The following SNTG2 variants were observed in gnomAD, a reference collection of about 807,000 sequenced individuals.
The protein encoded by SNTG2 is gamma-2-syntrophin.
A neutral mutation model predicts 70.9 loss-of-function variants in SNTG2; 74 were observed. The ratio of observed to expected loss-of-function variants is 1.04; its 90% confidence interval spans 0.86 to 1.27. The LOEUF (loss-of-function observed/expected upper bound fraction) is 1.27, where lower values mean the gene tolerates loss of function less well. Among genes scored for constraint, SNTG2 ranks in the 50% most tolerant of loss-of-function variants. SNTG2 has a pLI of 0.00. For missense variants in SNTG2, 717 were observed against 690.7 expected (o/e 1.04, Z -0.43); for synonymous variants, 278 against 273.8 (o/e 1.02, Z -0.15).
chr2:1,120,286 G>T (rs1425574906), intron 4 of SNTG2, among the ~76,000 whole-genome samples: 1 of 151,962 alleles, frequency 6.6e-6, no homozygotes, highest in African/African-American at 2.4e-5. Flanking sequence ...TAATTACTTT[G>T]AATATTACAA....
chr2:1,098,961 G>T (rs888923461), intron 4 of SNTG2, among the ~76,000 whole-genome samples: 3 of 152,240 alleles, frequency 2.0e-5, no homozygotes, highest in Non-Finnish European at 4.4e-5. Flanking sequence ...GACATTCATA[G>T]GGAGAGATTA....
At chr2:1,333,944 G>T (rs1659665669) in intron 16 of SNTG2, among the ~76,000 whole-genome samples, 1 of 152,110 alleles carries the variant, frequency 6.6e-6, no homozygotes, top group Non-Finnish European at 1.5e-5. Context: ...AAATAGATGA[G>T]ACCTAATTAA....
At chr2:1,118,164 G>A (rs12328702) in intron 4 of SNTG2, among the ~76,000 whole-genome samples, 4,252 of 152,002 alleles carry the variant, frequency 0.028, 204 homozygotes, top group African/African-American at 0.098. Flanking sequence ...AGGGCTTCAC[G>A]TCACCCCAGG....
chr2:1,113,525 G>C (rs908104640), intron 4 of SNTG2, among the ~76,000 whole-genome samples: 2 of 150,664 alleles, frequency 1.3e-5, no homozygotes, highest in Admixed American at 1.3e-4. Context: ...CGAGGATTGT[G>C]TGTACTGAGG....
At chr2:1,226,588 C>T (rs911361419) in intron 9 of SNTG2, among the ~76,000 whole-genome samples, 6 of 148,530 alleles carry the variant, frequency 4.0e-5, no homozygotes, top group African/African-American at 1.5e-4. Context: ...CACCAAGGCT[C>T]ACACCGAGAG....
chr2:1,312,469 G>A (rs1681048574), intron 15 of SNTG2, among the ~76,000 whole-genome samples: 1 of 152,198 alleles, frequency 6.6e-6, no homozygotes, highest in Non-Finnish European at 1.5e-5. Flanking sequence ...GAGAAGGGGA[G>A]GCTGACCCTG....
In SNTG2 at chr2:1,365,087, G is replaced by GT. The variant is rs59283968; in HGVS notation, c.1489-2244dup. ...TGTGTTTCTTCTAGAAAGCTACTTG[G>GT]TTTTTTTTTTTTCCTCTAACAGGGA... On this transcript the variant is annotated intron_variant, in intron 16 of 16. Transcript: ENST00000308624. Among the ~76,000 whole-genome samples, 981 of 150,862 alleles carry GT rather than the reference G, an allele frequency of 6.5e-3. 7 individuals carry two copies. The highest frequency in any genetic ancestry group is 9.4e-3 in the Admixed American group (143 of 15,204).
chr2:1,286,200 G>A (rs1324325259), intron 14 of SNTG2, among the ~76,000 whole-genome samples: 1 of 152,092 alleles, frequency 6.6e-6, no homozygotes. Context: ...ACTGGAAACA[G>A]AAATTTTGCT....
Position 996,673 on chromosome 2 carries a change from G to GTTTTTTTTTTTTTTTTTTTTTTTTTTTT in SNTG2, c.72+45609_72+45636dup. ...ATATTGCTTGTATTTGAGTTACCCA[G>GTTTTTTTTTTTTTTTTTTTTTTTTTTTT]TTTTTTTTTTTTTTTTTTTTTTTTT... On this transcript the variant is annotated intron_variant, in intron 1 of 16. Coordinates refer to ENST00000308624, the MANE Select transcript of SNTG2 (RefSeq NM_018968.4). 9.7e-4 allele frequency among the ~76,000 whole-genome samples: 34 copies of GTTTTTTTTTTTTTTTTTTTTTTTTTTTT among 35,098 alleles called. 10 individuals are homozygous for GTTTTTTTTTTTTTTTTTTTTTTTTTTTT. Among genetic ancestry groups the GTTTTTTTTTTTTTTTTTTTTTTTTTTTT allele is most frequent in the East Asian group, 5.0e-3 (4 of 798 alleles). 23.0% of individuals were successfully genotyped at this position (35,098 alleles called of 152,430 possible).
At chr2:1,295,849 G>T (rs1028094024) in intron 14 of SNTG2, among the ~76,000 whole-genome samples, 12 of 151,734 alleles carry the variant, frequency 7.9e-5, no homozygotes, top group South Asian at 4.2e-4. Flanking sequence ...CCTATGTTGG[G>T]GTAGGAGGAG....
intron 16 of SNTG2, among the ~76,000 whole-genome samples, chr2:1,350,653 A>G (rs1296064879): frequency 5.3e-5 from 8 of 152,172 alleles, no homozygotes; most frequent in Non-Finnish European, 1.5e-5. Flanking sequence ...AACATGATGA[A>G]TGTTGACGAT....
In SNTG2 at chr2:1,316,211, TTAAA is replaced by T. The variant is rs1376363149; in HGVS notation, c.1378-48_1378-45del. ...TGTTTAATGTAGTAACAGATGCTAA[TTAAA>T]TAAATGAGCTCTTGTTTAGAAATCG... On this transcript the variant is annotated intron_variant, in intron 15 of 16. Transcript: ENST00000308624. 7.0e-6 allele frequency: 6 copies of T among 853,412 alleles called. No individual in the cohort carries two copies. The East Asian group carries it at 1.1e-4, about 16-fold the overall frequency. 52.9% of individuals were successfully genotyped at this position (853,412 alleles called of 1,614,324 possible).
chr2:1,151,666 G>A (rs73908907), intron 6 of SNTG2, among the ~76,000 whole-genome samples: 11,126 of 152,094 alleles, frequency 0.073, 889 homozygotes, highest in African/African-American at 0.2. Context: ...AGGCTGCTCC[G>A]AAAGCCTTTG....
intron 4 of SNTG2, among the ~76,000 whole-genome samples, chr2:1,121,458 T>A (rs1293657938): frequency 2.7e-5 from 4 of 147,510 alleles, no homozygotes; most frequent in African/African-American, 1.0e-4. Context: ...AACTAAGAAT[T>A]GTTTTTAAAA....
At chr2:1,230,664 G>A (rs377492586) in intron 9 of SNTG2, among the ~76,000 whole-genome samples, 9 of 152,212 alleles carry the variant, frequency 5.9e-5, no homozygotes, top group African/African-American at 2.2e-4. Context: ...AGATCCATGG[G>A]TCCCACCTTA....
rs140888050 is a variant in SNTG2 at position 1,244,867 on chromosome 2, G to A, written c.889-2460G>A. ...TGTTTTTGCCTGCTGCAGTTATCCA[G>A]CAGCCAGCTGCTCCGAAGATTTAGA... On this transcript the variant is annotated intron_variant, in intron 11 of 16. Transcript: ENST00000308624. Among the ~76,000 whole-genome samples the A allele has an allele frequency of 2.2e-3, 330 of 152,130 alleles. 5 individuals are homozygous for A. Among genetic ancestry groups the A allele is most frequent in the African/African-American group, 7.3e-3 (301 of 41,494 alleles).
At position 1,067,379 on chromosome 2, in the gene SNTG2, T is replaced by C. The variant is rs562958753; in HGVS notation, c.73-16139T>C. ...ACCATACATTACAAAAACATATATT[T>C]ACACTTTTTATTTGGGAGAGCTGAT... On this transcript the variant is annotated intron_variant, in intron 1 of 16. Coordinates refer to ENST00000308624, the MANE Select transcript of SNTG2 (RefSeq NM_018968.4). 1.5e-3 allele frequency among the ~76,000 whole-genome samples: 236 copies of C among 152,368 alleles called. 2 individuals carry two copies. Among genetic ancestry groups the C allele is most frequent in the African/African-American group, 5.6e-3 (231 of 41,588 alleles).
chr2:1,039,410 A>C (rs907499224), intron 1 of SNTG2, among the ~76,000 whole-genome samples: 4 of 152,210 alleles, frequency 2.6e-5, no homozygotes, highest in Non-Finnish European at 5.9e-5. Flanking sequence ...TTCAAATGTT[A>C]TGCCATTTTG....
At chr2:1,300,123 A>T (rs1390146711) in intron 14 of SNTG2, among the ~76,000 whole-genome samples, 2 of 151,928 alleles carry the variant, frequency 1.3e-5, no homozygotes, top group Non-Finnish European at 2.9e-5. Context: ...GCATGCAAGA[A>T]GTGTGCCTCA....
Sources: allele counts gnomAD v4.1 joint callset (sites outside exome capture counted in the v4.1 genomes callset), GRCh38; gene constraint gnomAD v4.1.1; transcripts MANE v1.5; gene names NCBI Gene and HGNC (gene_info 2026-07-23, HGNC 2026-07-21).